Variants in ERP44 observed in about 807,000 individuals in gnomAD.
ERP44 encodes endoplasmic reticulum protein 44.
Under a neutral mutation model 53.4 loss-of-function variants are expected in ERP44, and 25 were observed. The observed-to-expected ratio is 0.47, with a 90% CI of 0.34 to 0.65. The LOEUF (loss-of-function observed/expected upper bound fraction) is 0.65, where lower values mean the gene tolerates loss of function less well. Ranked by LOEUF, ERP44 falls within the 30% of genes least tolerant of loss-of-function variation. ERP44 has a pLI of 0.01. For synonymous variants in ERP44, 145 were observed against 161.2 expected, an observed-to-expected ratio of 0.90 and a Z score of 0.76; for missense variants, 338 against 493.2, an observed-to-expected ratio of 0.69 and a Z score of 2.98.
chr9:100,080,167 T>C, intron 1 of ERP44, among the ~76,000 whole-genome samples: 1 of 152,184 alleles, frequency 6.6e-6, no homozygotes, highest in East Asian at 1.9e-4. Flanking sequence ...TAGAATACTC[T>C]TTCCCTTTCA....
chr9:100,007,088 G>A (rs938977013), intron 9 of ERP44, among the ~76,000 whole-genome samples: 2 of 152,196 alleles, frequency 1.3e-5, no homozygotes, highest in Non-Finnish European at 2.9e-5. Flanking sequence ...GCTCTATAGA[G>A]TACCTTTAGT....
rs376187404 is a variant in ERP44, at chr9:100,037,829, C to A, written c.286+14588G>T. ...CTGAAGAGCCCTTTGGCCTGAATAA[C>A]CAGCAGCAAGAGAAAAGAAAGAAAT... On this transcript the variant is annotated intron_variant, in intron 4 of 11. Coordinates refer to ENST00000262455, the MANE Select transcript of ERP44 (RefSeq NM_015051.3). Among the ~76,000 whole-genome samples the A allele has an allele frequency of 6.6e-5, 10 of 152,218 alleles. No individual in the cohort carries two copies. The South Asian group carries it at 1.0e-3, about 16-fold the overall frequency.
intron 10 of ERP44, chr9:99,999,002 A>C: frequency 5.1e-6 from 6 of 1,167,714 alleles, no homozygotes; most frequent in Non-Finnish European, 7.7e-6. Flanking sequence ...AACTGGAAGT[A>C]GTCGTGCGTG....
chr9:99,995,655 C>T (rs1448589331), intron 10 of ERP44, among the ~76,000 whole-genome samples: 1 of 152,192 alleles, frequency 6.6e-6, no homozygotes. Flanking sequence ...TTCCACTTAA[C>T]ATACTGTTCA....
At chr9:100,009,852 C>T (rs150986876) in intron 8 of ERP44, among the ~76,000 whole-genome samples, 452 of 152,268 alleles carry the variant, frequency 3.0e-3, no homozygotes, top group Non-Finnish European at 4.9e-3. Flanking sequence ...AGTACTTCTG[C>T]TTCTCTCTTA....
At chr9:99,983,437 C>T (rs1341490647) in intron 11 of ERP44, among the ~76,000 whole-genome samples, 2 of 148,786 alleles carry the variant, frequency 1.3e-5, no homozygotes, top group African/African-American at 2.5e-5. Context: ...CCCAGCTACT[C>T]GGGAGGCTGA....
At chr9:100,097,710 G>C (rs1377698662) in intron 1 of ERP44, among the ~76,000 whole-genome samples, 1 of 152,146 alleles carries the variant, frequency 6.6e-6, no homozygotes, top group East Asian at 1.9e-4. Context: ...AGTGACAAAA[G>C]AAAAGAAAGA....
At chr9:100,031,080 G>A (rs939794396) in intron 4 of ERP44, among the ~76,000 whole-genome samples, 1 of 151,944 alleles carries the variant, frequency 6.6e-6, no homozygotes, top group South Asian at 2.1e-4. Context: ...ACATTGCTCT[G>A]TCATAAAGAA....
intron 7 of ERP44, 43 bp downstream of exon 7, chr9:100,018,213 T>A (rs1401542973): frequency 8.4e-7 from 1 of 1,197,036 alleles, no homozygotes. Context: ...CGCATGTATT[T>A]AAATTATATC....
chr9:100,088,008 G>A (rs1181688714), intron 1 of ERP44, among the ~76,000 whole-genome samples: 1 of 150,024 alleles, frequency 6.7e-6, no homozygotes, highest in African/African-American at 2.5e-5. Context: ...TACTACAACA[G>A]TATTTTTCAC....
At chr9:100,040,040 C>CA (rs547305259) in intron 4 of ERP44, among the ~76,000 whole-genome samples, 33 of 149,766 alleles carry the variant, frequency 2.2e-4, no homozygotes, top group Admixed American at 1.1e-3. Context: ...AAGCTTCTGG[C>CA]AAAAAAAAAG....
intron 1 of ERP44, among the ~76,000 whole-genome samples, chr9:100,095,357 TA>T (rs1826614251): frequency 6.6e-6 from 1 of 152,146 alleles, no homozygotes; most frequent in Admixed American, 6.5e-5. Context: ...AGAGAGAACC[TA>T]GGGATTTAAA....
intron 1 of ERP44, among the ~76,000 whole-genome samples, chr9:100,079,958 C>T (rs1206573242): frequency 2.1e-5 from 3 of 143,062 alleles, no homozygotes; most frequent in African/African-American, 7.9e-5. Flanking sequence ...AAAAAAAAAA[C>T]AGAATCATAA....
intron 1 of ERP44, among the ~76,000 whole-genome samples, chr9:100,079,672 G>C (rs1393529809): frequency 6.6e-6 from 1 of 152,108 alleles, no homozygotes; most frequent in Non-Finnish European, 1.5e-5. Context: ...GCCAGGAGCA[G>C]TGGCTCATGC....
intron 1 of ERP44, among the ~76,000 whole-genome samples, chr9:100,079,115 C>T (rs1375409796): frequency 6.6e-6 from 1 of 152,114 alleles, no homozygotes; most frequent in Non-Finnish European, 1.5e-5. Flanking sequence ...AGGAGATTAA[C>T]ATCTGAGTCA....
intron 4 of ERP44, among the ~76,000 whole-genome samples, chr9:100,026,076 T>C (rs915932231): frequency 6.6e-6 from 1 of 152,238 alleles, no homozygotes; most frequent in Admixed American, 6.5e-5. Context: ...TTCTTTCTTA[T>C]AGGTTTCCTG....
chr9:99,981,596 G>A lies in ERP44; in HGVS notation c.*1016C>T, dbSNP rs751134727. 1.3e-5 allele frequency: 2 copies of A among 152,628 alleles called. No individual in the cohort carries two copies. Among genetic ancestry groups the A allele is most frequent in the African/African-American group, 4.8e-5 (2 of 41,432 alleles). The allele number at this position is 152,628 out of a possible 1,614,324, so 9.5% of individuals were successfully genotyped here. ...TTATTCCCTGGCAGTATTGAGGCCT[G>A]GCACAGGGACCCATCTTACTGTATG... On this transcript the variant is annotated 3_prime_UTR_variant, in exon 12 of 12. Transcript: ENST00000262455.
rs546217585 is a variant in ERP44, at chr9:99,992,540, A to G, written c.1017-7471T>C. Among the ~76,000 whole-genome samples, 5 of 152,336 alleles carry G rather than the reference A, an allele frequency of 3.3e-5. No individual in the cohort carries two copies. In the South Asian group the frequency reaches 1.0e-3, roughly 32 times the overall value. On this transcript the variant is annotated intron_variant, in intron 10 of 11. Coordinates refer to ENST00000262455, the MANE Select transcript of ERP44 (RefSeq NM_015051.3). ...CTCTAAATAATAAGAGCTATTTATG[A>G]CAAACCCACAGCCAATATCATACTG...
At chr9:99,998,554 C>A (rs751046745) in intron 10 of ERP44, 36 of 726,740 alleles carry the variant, frequency 5.0e-5, no homozygotes, top group South Asian at 4.8e-4. Flanking sequence ...TTCTGGAAAG[C>A]CAGTCAGGCT....
Sources: gnomAD v4.1 joint callset for allele counts (sites outside exome capture counted in the v4.1 genomes callset) on GRCh38, gnomAD v4.1.1 for gene constraint, MANE v1.5 for transcripts, NCBI Gene and HGNC (gene_info 2026-07-23, HGNC 2026-07-21) for gene names.